Variants in GSR observed in about 807,000 individuals in gnomAD.
GSR encodes glutathione reductase, mitochondrial.
In GSR, 48 loss-of-function variants were observed where a neutral mutation model predicts 56.5. The observed-to-expected ratio is 0.85, with a 90% CI of 0.67 to 1.08. GSR has a LOEUF of 1.08. GSR is among the 50% of genes least tolerant of loss of function. The pLI is 0.00. For missense variants in GSR, 694 were observed against 703.3 expected (o/e 0.99, Z 0.15); for synonymous variants, 264 against 270.8 (o/e 0.97, Z 0.25).
chr8:30,721,421 T>C (rs2739013), intron 1 of GSR, among the ~76,000 whole-genome samples: 116,664 of 152,144 alleles, frequency 0.77, 49,219 homozygotes, highest in Non-Finnish European at 0.94. Context: ...GAGGCCAAGG[T>C]GGGCGGATCA....
intron 1 of GSR, among the ~76,000 whole-genome samples, chr8:30,725,360 C>T (rs8190905): frequency 1.8e-4 from 27 of 150,674 alleles, no homozygotes; most frequent in African/African-American, 5.8e-4. Context: ...CTGAGGTGAG[C>T]GGATCACAAG....
At chr8:30,682,384 G>A (rs192129970) in intron 10 of GSR, among the ~76,000 whole-genome samples, 1 of 152,286 alleles carries the variant, frequency 6.6e-6, no homozygotes, top group African/African-American at 2.4e-5. Context: ...CTCATGTGAA[G>A]GGTTGCAGTC....
In GSR at chr8:30,679,493, C is replaced by A; in HGVS notation, c.*27G>T. On this transcript the variant is annotated 3_prime_UTR_variant, in exon 13 of 13. Coordinates refer to ENST00000221130, the MANE Select transcript of GSR (RefSeq NM_000637.5). Reference sequence around the variant, plus strand: ...CATTTCAGAAGATCTATGGGTCCCACTGCCCGCCACACGTGTCTCCTGGTT... The same window carrying A: ...CATTTCAGAAGATCTATGGGTCCCAATGCCCGCCACACGTGTCTCCTGGTT... 6.2e-7 allele frequency: 1 copy of A among 1,610,668 alleles called. No homozygotes were observed. Among genetic ancestry groups the A allele is most frequent in the South Asian group, 1.1e-5 (1 of 90,986 alleles).
chr8:30,720,425 A>T (rs772634973), intron 1 of GSR, among the ~76,000 whole-genome samples: 1 of 152,240 alleles, frequency 6.6e-6, no homozygotes, highest in Non-Finnish European at 1.5e-5. Flanking sequence ...TATACTGAGT[A>T]CTTGCTATGT....
intron 1 of GSR, 89 bp downstream of exon 1, chr8:30,727,441 C>T: frequency 8.1e-7 from 1 of 1,240,034 alleles, no homozygotes; most frequent in Non-Finnish European, 1.1e-6. Flanking sequence ...CGCCGGGGGA[C>T]AGGATCGCCA....
chr8:30,696,757 G>A (rs1359139303), intron 6 of GSR, among the ~76,000 whole-genome samples: 1 of 152,096 alleles, frequency 6.6e-6, no homozygotes, highest in Admixed American at 6.6e-5. Flanking sequence ...GTGTAGTGGT[G>A]TGAACACGGC....
At chr8:30,689,795 GTATATTTATATATAAA>G (rs1803300066) in intron 8 of GSR, among the ~76,000 whole-genome samples, 1 of 135,916 alleles carries the variant, frequency 7.4e-6, no homozygotes, top group East Asian at 2.1e-4. Context: ...ATAAATATAC[GTATATTTATATATAAA>G]TATATTTATA....
chr8:30,689,244 T>G lies in GSR; in HGVS notation c.958A>C (p.Met320Leu). 1 of 1,613,920 alleles carries G rather than the reference T, an allele frequency of 6.2e-7. No homozygotes were observed. The change falls in exon 9 of 13, where the codon ATG becomes CTG. Residue 320 changes from methionine to leucine, a missense_variant. By Grantham distance (15) the Met-to-Leu change is conservative (BLOSUM62 2). Transcript: ENST00000221130. ...VTAVPGRLPVMTMIPDVDCLL... is the reference protein window; with the variant it reads ...VTAVPGRLPVLTMIPDVDCLL... ...CAGTCAACATCTGGAATCATGGTCA[T>G]GACTGGTAGCCTACCGGGAACTGCA...
At chr8:30,703,327 T>C (rs1474447682) in intron 4 of GSR, 87 bp from the exon 5 acceptor site, 3 of 1,213,616 alleles carry the variant, frequency 2.5e-6, no homozygotes, top group Non-Finnish European at 3.7e-6. Context: ...ATTTCTCTAC[T>C]GAACATTTTG....
chr8:30,708,628 C>T (rs889441107), intron 3 of GSR, among the ~76,000 whole-genome samples: 1 of 152,086 alleles, frequency 6.6e-6, no homozygotes, highest in Non-Finnish European at 1.5e-5. Flanking sequence ...TACCCATATA[C>T]GAATGTTCAT....
rs200685394 is a variant in GSR, at chr8:30,679,590, G to A, written c.1499C>T (p.Thr500Met). 72 of 1,613,836 alleles carry A rather than the reference G, an allele frequency of 4.5e-5. No individual in the cohort carries two copies. The highest frequency in any genetic ancestry group is 2.2e-4 in the Admixed American group (13 of 59,972). Residue 500 changes from threonine to methionine, a missense_variant, in exon 13 of 13, where the codon ACG (threonine) becomes ATG (methionine). Coordinates refer to ENST00000221130, the MANE Select transcript of GSR (RefSeq NM_000637.5). ...GACTGTGTTGTCAAAGTCTGCCTTC[G>A]TTGCTCCCATCTTCACTGCAACAGC... ...GFAVAVKMGA[T>M]KADFDNTVAI... is the part of the protein sequence containing the mutation.
At position 30,727,418 on chromosome 8, in the gene GSR, G is replaced by A. The variant is rs1199345202; in HGVS notation, c.306+112C>T. 7.4e-6 allele frequency: 8 copies of A among 1,079,780 alleles called. No homozygotes were observed. The Admixed American group carries it at 1.8e-4, about 24-fold the overall frequency. 66.9% of individuals were successfully genotyped at this position (1,079,780 alleles called of 1,614,324 possible). On this transcript the variant is annotated intron_variant, in intron 1 of 12. Transcript: ENST00000221130. ...AATGGGGAGTTGCGGGGGTGGAAAA[G>A]AGGAAAGCCCAGCGCCGGGGGACAG...
At chr8:30,705,723 T>A (rs909145622) in intron 4 of GSR, among the ~76,000 whole-genome samples, 8 of 151,430 alleles carry the variant, frequency 5.3e-5, no homozygotes, top group Admixed American at 2.0e-4. Context: ...GAGAGTGAGA[T>A]CCTGACTTCA....
chr8:30,695,760 C>T (rs562929345), intron 7 of GSR, among the ~76,000 whole-genome samples: 2 of 151,880 alleles, frequency 1.3e-5, no homozygotes, highest in East Asian at 1.9e-4. Context: ...ATTAACCTGG[C>T]GGGGCTTGGT....
intron 4 of GSR, among the ~76,000 whole-genome samples, chr8:30,705,364 G>A (rs1013983458): frequency 6.6e-6 from 1 of 152,024 alleles, no homozygotes; most frequent in African/African-American, 2.4e-5. Flanking sequence ...CAGGGTTCAC[G>A]CCATTCTCCT....
At position 30,684,116 on chromosome 8, in the gene GSR, A is replaced by T. The variant is rs1389725525; in HGVS notation, c.1125T>A (p.Asp375Glu). ...GAGTAAGAAGAGCTTTTCCACATAC[A>T]TCCCCAACTGCATAGATGCCTTTGA... ...TNVKGIYAVG[D>E]VCGKALLTPV... Residue 375 changes from aspartate to glutamate, a missense_variant, in exon 10 of 13, where the codon GAT becomes GAA. Transcript: ENST00000221130. 2 of 1,597,404 alleles carry T rather than the reference A, an allele frequency of 1.3e-6. No homozygotes were observed. Among genetic ancestry groups the T allele is most frequent in the Non-Finnish European group, 8.6e-7 (1 of 1,164,738 alleles).
intron 8 of GSR, among the ~76,000 whole-genome samples, chr8:30,692,426 C>G (rs1803416116): frequency 6.6e-6 from 1 of 150,640 alleles, no homozygotes; most frequent in African/African-American, 2.4e-5. Flanking sequence ...AAACTCCCAA[C>G]CTCAGGTGAT....
intron 8 of GSR, 141 bp from the exon 9 acceptor site, chr8:30,689,460 A>G: frequency 1.3e-6 from 1 of 762,994 alleles, no homozygotes; most frequent in Non-Finnish European, 2.3e-6. Flanking sequence ...ATAGACATAA[A>G]CTTTTACCCA....
At chr8:30,688,020 A>C (rs564508692) in intron 9 of GSR, among the ~76,000 whole-genome samples, 1 of 152,298 alleles carries the variant, frequency 6.6e-6, no homozygotes, top group African/African-American at 2.4e-5. Flanking sequence ...ACCAAACCCC[A>C]AGCTCCCATT....
Sources: allele counts gnomAD v4.1 joint callset (sites outside exome capture counted in the v4.1 genomes callset), GRCh38; gene constraint gnomAD v4.1.1; transcripts MANE v1.5; gene names NCBI Gene and HGNC (gene_info 2026-07-23, HGNC 2026-07-21).